Variants in ATP8A2 observed in about 807,000 individuals in gnomAD.
ATP8A2 encodes the protein ATPase phospholipid transporting 8A2.
A neutral mutation model predicts 165.6 loss-of-function variants in ATP8A2; 100 were observed. That is an observed-to-expected ratio of 0.60 (90% CI 0.51 to 0.71). The LOEUF is 0.71. Among genes scored for constraint, ATP8A2 ranks in the 30% least tolerant of loss-of-function variants. The pLI is 0.00. For synonymous variants in ATP8A2, 543 were observed against 548.8 expected, an observed-to-expected ratio of 0.99 and a Z score of 0.15; for missense variants, 1,227 against 1,479.5, an observed-to-expected ratio of 0.83 and a Z score of 2.80.
At chr13:25,527,704 T>C (rs2037885612) in intron 2 of ATP8A2, among the ~76,000 whole-genome samples, 1 of 152,168 alleles carries the variant, frequency 6.6e-6, no homozygotes, top group African/African-American at 2.4e-5. Flanking sequence ...TACCCTCTTA[T>C]ATTTCATTTT....
intron 27 of ATP8A2, among the ~76,000 whole-genome samples, chr13:25,813,851 A>T (rs1378139325): frequency 1.3e-5 from 2 of 152,166 alleles, no homozygotes; most frequent in Admixed American, 1.3e-4. Flanking sequence ...GGTGGGCCTC[A>T]TCCCATCAGC....
chr13:25,846,219 C>T lies in ATP8A2; in HGVS notation c.2956+6595C>T, dbSNP rs76049080. Among the ~76,000 whole-genome samples, 508 of 152,280 alleles carry T rather than the reference C, an allele frequency of 3.3e-3. 1 individual carries two copies. The highest frequency in any genetic ancestry group is 0.011 in the African/African-American group (477 of 41,574). On this transcript the variant is annotated intron_variant, in intron 30 of 36. Coordinates refer to ENST00000381655, the MANE Select transcript of ATP8A2 (RefSeq NM_016529.6). ...AGATTAAAGAATATGTTCTCTATGC[C>T]AGGCTCCTCCTGTGTTCTGGGGACA...
chr13:25,535,820 C>T (rs775287736), intron 6 of ATP8A2, among the ~76,000 whole-genome samples: 12 of 151,828 alleles, frequency 7.9e-5, no homozygotes, highest in Non-Finnish European at 8.8e-5. Context: ...GTCTCAAAAA[C>T]AGAAAACAAA....
chr13:25,617,845 G>C (rs4439611), intron 24 of ATP8A2, among the ~76,000 whole-genome samples: 1 of 152,054 alleles, frequency 6.6e-6, no homozygotes, highest in Non-Finnish European at 1.5e-5. Flanking sequence ...TCCTCTCATC[G>C]ATCTTAATAT....
chr13:25,744,972 G>C (rs1191189200), intron 25 of ATP8A2, among the ~76,000 whole-genome samples: 3 of 150,430 alleles, frequency 2.0e-5, no homozygotes, highest in Non-Finnish European at 4.4e-5. Flanking sequence ...GGAGTCTCTT[G>C]CTCTGTCACC....
At chr13:25,980,519 G>T (rs1369273929) in intron 35 of ATP8A2, among the ~76,000 whole-genome samples, 2 of 152,148 alleles carry the variant, frequency 1.3e-5, no homozygotes, top group Admixed American at 1.3e-4. Context: ...TCATCTAAGA[G>T]ATCTAAGAGG....
chr13:25,977,283 G>T (rs1956071874), intron 35 of ATP8A2, among the ~76,000 whole-genome samples: 1 of 151,816 alleles, frequency 6.6e-6, no homozygotes, highest in Non-Finnish European at 1.5e-5. Flanking sequence ...CATTTTAGTT[G>T]AGACAATGGG....
chr13:25,817,039 A>G (rs1951041746), intron 27 of ATP8A2, among the ~76,000 whole-genome samples: 1 of 152,142 alleles, frequency 6.6e-6, no homozygotes, highest in African/African-American at 2.4e-5. Context: ...CCCCTTCCAT[A>G]ATAGACCCCC....
intron 33 of ATP8A2, among the ~76,000 whole-genome samples, chr13:25,871,662 T>C (rs888744759): frequency 1.3e-5 from 2 of 152,134 alleles, no homozygotes; most frequent in Non-Finnish European, 2.9e-5. Context: ...GACTTAAAAG[T>C]AGGGGATATT....
intron 1 of ATP8A2, among the ~76,000 whole-genome samples, chr13:25,396,138 A>G (rs1196911321): frequency 6.6e-6 from 1 of 152,178 alleles, no homozygotes; most frequent in African/African-American, 2.4e-5. Context: ...CACCACGCCC[A>G]GCCCTGATCC....
chr13:25,465,235 A>AT (rs1433630186), intron 1 of ATP8A2, among the ~76,000 whole-genome samples: 5 of 152,064 alleles, frequency 3.3e-5, no homozygotes, highest in South Asian at 2.1e-4. Context: ...TTTTCCACAA[A>AT]TTTTTTTTGA....
intron 24 of ATP8A2, among the ~76,000 whole-genome samples, chr13:25,633,878 A>G (rs1274978100): frequency 1.3e-5 from 2 of 151,982 alleles, no homozygotes; most frequent in East Asian, 3.9e-4. Flanking sequence ...CTGGAGGCTA[A>G]GGTGGGAGAA....
At chr13:25,884,464 T>C (rs1266562368) in intron 33 of ATP8A2, among the ~76,000 whole-genome samples, 1 of 152,198 alleles carries the variant, frequency 6.6e-6, no homozygotes, top group Non-Finnish European at 1.5e-5. Context: ...GCCTTCTAGC[T>C]TCCTTTGCTC....
intron 33 of ATP8A2, among the ~76,000 whole-genome samples, chr13:25,866,924 G>A (rs1307965466): frequency 1.3e-5 from 2 of 152,202 alleles, no homozygotes; most frequent in African/African-American, 2.4e-5. Context: ...CACCGTAAGG[G>A]CAGCTAGCTT....
At chr13:25,873,522 A>G (rs1269979382) in intron 33 of ATP8A2, among the ~76,000 whole-genome samples, 2 of 152,078 alleles carry the variant, frequency 1.3e-5, no homozygotes, top group East Asian at 3.9e-4. Context: ...AAGCAAGATT[A>G]TTATTTAATG....
At chr13:25,481,987 C>T (rs2036219160) in intron 2 of ATP8A2, among the ~76,000 whole-genome samples, 1 of 152,152 alleles carries the variant, frequency 6.6e-6, no homozygotes, top group Non-Finnish European at 1.5e-5. Context: ...TTAGGAAGGA[C>T]ACAGTTCAGT....
At chr13:25,937,362 C>CTTTCTTTCTTTCTTT in intron 33 of ATP8A2, among the ~76,000 whole-genome samples, 1 of 38,798 alleles carries the variant, frequency 2.6e-5, no homozygotes, top group African/African-American at 6.8e-5. Context: ...TTCTTTCTTT[C>CTTTCTTTCTTTCTTT]TTTTTTTTTT....
chr13:26,016,386 G>T (rs1956974445), intron 36 of ATP8A2, among the ~76,000 whole-genome samples: 2 of 152,198 alleles, frequency 1.3e-5, no homozygotes, highest in South Asian at 4.1e-4. Context: ...TCCCATCCCA[G>T]AGGGGCCAAA....
chr13:25,512,792 C>G (rs893447182), intron 2 of ATP8A2, among the ~76,000 whole-genome samples: 3 of 144,144 alleles, frequency 2.1e-5, no homozygotes, highest in Admixed American at 2.0e-4. Context: ...GGCTGACCCC[C>G]CCATCTCCCT....
Sources: allele counts gnomAD v4.1 joint callset (sites outside exome capture counted in the v4.1 genomes callset), GRCh38; gene constraint gnomAD v4.1.1; transcripts MANE v1.5; gene names NCBI Gene and HGNC (gene_info 2026-07-23, HGNC 2026-07-21).